The following GFRA3 variants were observed in gnomAD, a reference collection of about 807,000 sequenced individuals.
GFRA3 encodes the protein GDNF family receptor alpha-3.
In GFRA3, 24 loss-of-function variants were observed where a neutral mutation model predicts 40.0. The observed-to-expected ratio is 0.60, with a 90% confidence interval of 0.43 to 0.84. The LOEUF (loss-of-function observed/expected upper bound fraction) is 0.84, where lower values mean the gene tolerates loss of function less well. Among genes scored for constraint, GFRA3 ranks in the 40% least tolerant of loss-of-function variants. The probability of loss-of-function intolerance (pLI) is 0.00; values close to 1 mark genes in which losing one functional copy is unlikely to be tolerated. For synonymous variants in GFRA3, 203 were observed against 213.5 expected, an observed-to-expected ratio of 0.95 and a Z score of 0.43; for missense variants, 405 against 530.6, an observed-to-expected ratio of 0.76 and a Z score of 2.33.
At chr5:138,253,517 A>T (rs1446378995) in intron 6 of GFRA3, 142 bp from the exon 7 acceptor site, 2 of 698,438 alleles carry the variant, frequency 2.9e-6, no homozygotes, top group Non-Finnish European at 5.2e-6. Flanking sequence ...ATACTCTCTC[A>T]TTCTGCTTGT....
At chr5:138,259,486 C>A in intron 3 of GFRA3, 71 bp downstream of exon 3, 1 of 789,840 alleles carries the variant, frequency 1.3e-6, no homozygotes, top group South Asian at 1.3e-5. Context: ...CAACTTCTGC[C>A]CCTCCCCAGC....
chr5:138,267,496 C>G (rs560441061), intron 1 of GFRA3: 73 of 156,210 alleles, frequency 4.7e-4, no homozygotes, highest in Admixed American at 1.3e-3. Context: ...CTGGCCTATT[C>G]TTTTTGGGAG....
chr5:138,274,264 C>T (rs944138368), intron 1 of GFRA3, 70 bp downstream of exon 1: 10 of 1,306,868 alleles, frequency 7.7e-6, no homozygotes, highest in Non-Finnish European at 9.8e-6. Flanking sequence ...GGACAGGTGC[C>T]CCGGGCCTCG....
chr5:138,253,022 C>T lies in GFRA3; in HGVS notation c.1149G>A (p.Val383=), dbSNP rs1421917539. ...GAAGCGTGCAGGAGAAAAGAGAGGG[C>T]ACCCAGGGCTGTGGCCTCACAGCAG... The part of the protein sequence containing the change: ...ENPAVRPQPW[V]PSLFSCTLPL... The change falls in exon 8 of 8, where the codon GTG becomes GTA. Residue 383 remains valine, a synonymous_variant. Coordinates refer to ENST00000274721, the MANE Select transcript of GFRA3 (RefSeq NM_001496.4). The T allele has an allele frequency of 4.4e-6, 7 of 1,608,970 alleles. No homozygotes were observed. In the Admixed American group the frequency reaches 1.2e-4, roughly 27 times the overall value.
In GFRA3 at chr5:138,254,050, G is replaced by T; in HGVS notation, c.889+7C>A. ...ATAGGGTTCCCTACACATGCCCCCA[G>T]CCTCACCAATCAGCCCCAGGTATGC... On this transcript the variant is annotated splice_region_variant and intron_variant, in intron 5 of 7. Transcript: ENST00000274721. 1 of 1,596,094 alleles carries T rather than the reference G, an allele frequency of 6.3e-7. No individual in the cohort carries two copies. The highest frequency in any genetic ancestry group is 8.6e-7 in the Non-Finnish European group (1 of 1,163,686).
intron 1 of GFRA3, among the ~76,000 whole-genome samples, chr5:138,266,740 C>A (rs905945165): frequency 4.0e-5 from 6 of 151,602 alleles, no homozygotes; most frequent in African/African-American, 1.5e-4. Flanking sequence ...GTGATACAAT[C>A]TCAGCTCACT....
chr5:138,262,996 G>A (rs1354028980), intron 2 of GFRA3, among the ~76,000 whole-genome samples: 1 of 151,886 alleles, frequency 6.6e-6, no homozygotes, highest in Non-Finnish European at 1.5e-5. Flanking sequence ...ACAGAGTCTC[G>A]CTCTGTCGCC....
chr5:138,252,866 G>A lies in GFRA3; in HGVS notation c.*102C>T, dbSNP rs116659485. On this transcript the variant is annotated 3_prime_UTR_variant, in exon 8 of 8. Coordinates refer to ENST00000274721, the MANE Select transcript of GFRA3 (RefSeq NM_001496.4). The stretch of plus-strand genomic sequence containing the variant: ...CTTAGCTTCTCCTGTGCCCTCATCT[G>A]CGCACTGCACCTCCTTCCTGCTGCT... 51 of 684,456 alleles carry A rather than the reference G, an allele frequency of 7.5e-5. No individual in the cohort carries two copies. The African/African-American group carries it at 7.9e-4, about 11-fold the overall frequency. The allele number at this position is 684,456 out of a possible 1,614,324, so 42.4% of individuals were successfully genotyped here. A position where few individuals can be genotyped will look rare whatever the true frequency, so the allele number is the denominator to read the frequency against.
At chr5:138,271,897 T>TGTG in intron 1 of GFRA3, among the ~76,000 whole-genome samples, 3 of 105,298 alleles carry the variant, frequency 2.8e-5, no homozygotes, top group Non-Finnish European at 6.0e-5. Flanking sequence ...TTTCTGTTTT[T>TGTG]TTTTTTTTTT....
chr5:138,258,743 C>T (rs1162387063), intron 3 of GFRA3, among the ~76,000 whole-genome samples: 1 of 152,190 alleles, frequency 6.6e-6, no homozygotes, highest in East Asian at 1.9e-4. Flanking sequence ...GCTTCGTCTG[C>T]ACCTATCCTG....
intron 4 of GFRA3, among the ~76,000 whole-genome samples, chr5:138,255,156 C>A (rs145869416): frequency 6.6e-6 from 1 of 151,786 alleles, no homozygotes; most frequent in Admixed American, 6.6e-5. Context: ...GATCGATTTA[C>A]CTTATTGGGG....
At chr5:138,269,467 C>T (rs1203566292) in intron 1 of GFRA3, among the ~76,000 whole-genome samples, 9 of 150,204 alleles carry the variant, frequency 6.0e-5, no homozygotes, top group South Asian at 4.2e-4. Context: ...ACCCAGGAGG[C>T]GGAGGTTTCA....
chr5:138,266,437 T>A (rs1202717794), intron 1 of GFRA3, among the ~76,000 whole-genome samples: 1 of 152,232 alleles, frequency 6.6e-6, no homozygotes, highest in African/African-American at 2.4e-5. Flanking sequence ...ATGTTGAGCA[T>A]ATTTTTATGT....
chr5:138,270,523 G>C (rs1755854025), intron 1 of GFRA3, among the ~76,000 whole-genome samples: 1 of 151,830 alleles, frequency 6.6e-6, no homozygotes, highest in Non-Finnish European at 1.5e-5. Flanking sequence ...AGGATACAAA[G>C]GCATAAGAAT....
At chr5:138,258,074 G>C (rs1755658884) in intron 3 of GFRA3, 123 bp from the exon 4 acceptor site, 1 of 771,014 alleles carries the variant, frequency 1.3e-6, no homozygotes, top group South Asian at 1.5e-5. Context: ...GGAAAAGAAG[G>C]CCTGTCATGA....
intron 1 of GFRA3, among the ~76,000 whole-genome samples, chr5:138,265,268 G>A (rs1244418612): frequency 7.5e-6 from 1 of 132,576 alleles, no homozygotes; most frequent in Non-Finnish European, 1.5e-5. Context: ...CCAGGTTGGA[G>A]TGCAATGGCG....
In GFRA3 at chr5:138,257,681, C is replaced by G. The variant is rs1371388395; in HGVS notation, c.743G>C (p.Cys248Ser). The G allele has an allele frequency of 1.9e-6, 3 of 1,609,816 alleles. No individual in the cohort carries two copies. The highest frequency in any genetic ancestry group is 3.4e-5 in the Admixed American group (2 of 58,616). ...NCALPPVAPNCLELRRLCFSD... is the reference protein window; with the variant it reads ...NCALPPVAPNSLELRRLCFSD... ...GAAGCAGAGGCGCCGCAGCTCCAGGCAGTTGGGGGCCACAGGCGGCAGCGC... is the reference window on the plus strand; with the variant it reads ...GAAGCAGAGGCGCCGCAGCTCCAGGGAGTTGGGGGCCACAGGCGGCAGCGC... Residue 248 changes from cysteine (C) to serine (S), a missense_variant, in exon 4 of 8, where the codon TGC (cysteine) becomes TCC (serine). By Grantham distance (112) the Cys-to-Ser change is moderately radical (BLOSUM62 -1). Transcript: ENST00000274721.
intron 6 of GFRA3, 142 bp downstream of exon 6, chr5:138,253,624 T>A (rs1755583157): frequency 1.3e-6 from 1 of 788,058 alleles, no homozygotes; most frequent in Non-Finnish European, 2.1e-6. Flanking sequence ...GCCTGGGCTA[T>A]GGCAATGAAA....
At chr5:138,264,835 C>G (rs551626393) in intron 1 of GFRA3, among the ~76,000 whole-genome samples, 44 of 152,064 alleles carry the variant, frequency 2.9e-4, no homozygotes, top group Non-Finnish European at 4.9e-4. Flanking sequence ...TGTTTGAAGG[C>G]GAGCCTGATG....
Sources: allele counts gnomAD v4.1 joint callset (sites outside exome capture counted in the v4.1 genomes callset), GRCh38; gene constraint gnomAD v4.1.1; transcripts MANE v1.5; gene names NCBI Gene and HGNC (gene_info 2026-07-23, HGNC 2026-07-21).